MAST4: variants seen among roughly 807,000 people sequenced by gnomAD.
The protein encoded by MAST4 is microtubule associated serine/threonine kinase family member 4.
Under a neutral mutation model 162.7 loss-of-function variants are expected in MAST4, and 89 were observed. The observed-to-expected ratio is 0.55, with a 90% CI of 0.46 to 0.65. The LOEUF (loss-of-function observed/expected upper bound fraction) is 0.65, where lower values mean the gene tolerates loss of function less well. MAST4 is among the 30% of genes least tolerant of loss of function. The pLI is 0.00. For synonymous variants in MAST4, 1,479 were observed against 1,361.1 expected, an observed-to-expected ratio of 1.09 and a Z score of -1.91; for missense variants, 3,153 against 3,374.0, an observed-to-expected ratio of 0.93 and a Z score of 1.62.
chr5:67,110,024 C>A, intron 10 of MAST4, 74 bp from the exon 11 acceptor site: 1 of 1,037,996 alleles, frequency 9.6e-7, no homozygotes, highest in Non-Finnish European at 1.5e-6. Context: ...ATCTAATTAG[C>A]ATGCTTTGCT....
intron 1 of MAST4, among the ~76,000 whole-genome samples, chr5:66,644,034 A>C (rs1745658822): frequency 1.8e-5 from 2 of 109,898 alleles, no homozygotes; most frequent in Admixed American, 2.0e-4. Flanking sequence ...AAAAGTATTC[A>C]TCTGTAAGCT....
intron 3 of MAST4, among the ~76,000 whole-genome samples, chr5:66,827,408 T>G (rs1757318800): frequency 6.6e-6 from 1 of 152,194 alleles, no homozygotes; most frequent in African/African-American, 2.4e-5. Flanking sequence ...GGCTCCTCTT[T>G]GTATGTCTGG....
intron 1 of MAST4, among the ~76,000 whole-genome samples, chr5:66,646,541 A>G (rs1745850481): frequency 6.6e-6 from 1 of 152,194 alleles, no homozygotes; most frequent in Admixed American, 6.5e-5. Flanking sequence ...GCATAAACCT[A>G]ATATAATTTT....
intron 4 of MAST4, among the ~76,000 whole-genome samples, chr5:67,049,008 C>CACACATATATATATACATAT (rs1362965159): frequency 5.7e-5 from 6 of 104,522 alleles, no homozygotes; most frequent in Non-Finnish European, 7.8e-5. Context: ...TATACACACA[C>CACACATATATATATACATAT]ATATATATAT....
At chr5:66,914,002 C>T (rs551691711) in intron 4 of MAST4, among the ~76,000 whole-genome samples, 10 of 152,280 alleles carry the variant, frequency 6.6e-5, no homozygotes, top group Admixed American at 2.0e-4. Context: ...TTACATCAAT[C>T]TACTGTCTTG....
intron 3 of MAST4, among the ~76,000 whole-genome samples, chr5:66,847,837 AAAAAAAG>A (rs1445459181): frequency 4.0e-5 from 6 of 150,958 alleles, no homozygotes; most frequent in Admixed American, 2.6e-4. Context: ...AAAAAAAAAA[AAAAAAAG>A]AAAAACCTTA....
At chr5:66,947,214 C>G (rs1238364882) in intron 4 of MAST4, among the ~76,000 whole-genome samples, 1 of 152,012 alleles carries the variant, frequency 6.6e-6, no homozygotes, top group Non-Finnish European at 1.5e-5. Context: ...AGAAGTAGGA[C>G]CGTGGAAAAT....
At chr5:66,879,377 TATAC>T (rs1761539934) in intron 3 of MAST4, among the ~76,000 whole-genome samples, 2 of 148,798 alleles carry the variant, frequency 1.3e-5, no homozygotes, top group African/African-American at 5.0e-5. Flanking sequence ...TATATATATA[TATAC>T]ATACACAAAT....
chr5:67,104,204 C>G (rs1170377512), intron 9 of MAST4, among the ~76,000 whole-genome samples, 162 bp from the exon 10 acceptor site: 2 of 152,090 alleles, frequency 1.3e-5, no homozygotes, highest in Non-Finnish European at 2.9e-5. Context: ...ATGTATGTAC[C>G]ATTATTTTAT....
intron 3 of MAST4, among the ~76,000 whole-genome samples, chr5:66,820,198 G>A (rs1756926532): frequency 6.6e-6 from 1 of 151,906 alleles, no homozygotes; most frequent in African/African-American, 2.4e-5. Context: ...TTGGAATATA[G>A]AGTACAAAAT....
intron 1 of MAST4, among the ~76,000 whole-genome samples, chr5:66,727,574 G>A (rs529776815): frequency 6.6e-6 from 1 of 152,252 alleles, no homozygotes; most frequent in Non-Finnish European, 1.5e-5. Context: ...AACATTTGAG[G>A]CAAAATTGTG....
intron 4 of MAST4, chr5:66,917,289 G>A (rs889135966): frequency 2.6e-5 from 10 of 387,524 alleles, no homozygotes; most frequent in Admixed American, 4.1e-5. Context: ...TTTCCATTTA[G>A]TAGTGTTTTT....
chr5:66,706,823 A>G (rs552916815), intron 1 of MAST4, among the ~76,000 whole-genome samples: 3 of 152,342 alleles, frequency 2.0e-5, no homozygotes, highest in Admixed American at 1.3e-4. Context: ...TGTTTATTAA[A>G]TATCTTGACT....
At chr5:66,647,131 A>G (rs1353678669) in intron 1 of MAST4, among the ~76,000 whole-genome samples, 6 of 152,172 alleles carry the variant, frequency 3.9e-5, no homozygotes, top group African/African-American at 1.4e-4. Context: ...ATTTCTGGCC[A>G]AGTCAACTGC....
At chr5:66,617,015 C>A (rs552720183) in intron 1 of MAST4, among the ~76,000 whole-genome samples, 26 of 152,272 alleles carry the variant, frequency 1.7e-4, no homozygotes, top group African/African-American at 6.0e-4. Flanking sequence ...AGACACCTTG[C>A]ACATTCATAT....
intron 9 of MAST4, among the ~76,000 whole-genome samples, chr5:67,103,833 T>C (rs1765296633): frequency 6.6e-6 from 1 of 152,206 alleles, no homozygotes; most frequent in Non-Finnish European, 1.5e-5. Flanking sequence ...TTTTGGACAG[T>C]CCATCTGAAA....
chr5:66,930,152 T>G lies in MAST4; in HGVS notation c.674+30170T>G, dbSNP rs188422339. On this transcript the variant is annotated intron_variant, in intron 4 of 28. Coordinates refer to ENST00000403625, the MANE Select transcript of MAST4 (RefSeq NM_001164664.2). ...ATGGTATCTTTTCCCCAAAGCATCTTGAATGAGAGCAGGAAGAGACGACTG... is the reference window on the plus strand; with the variant it reads ...ATGGTATCTTTTCCCCAAAGCATCTGGAATGAGAGCAGGAAGAGACGACTG... Among the ~76,000 whole-genome samples, 165 of 152,294 alleles carry G rather than the reference T, an allele frequency of 1.1e-3. 2 individuals are homozygous for G. The highest frequency in any genetic ancestry group is 3.2e-3 in the African/African-American group (134 of 41,552).
At chr5:66,968,199 A>G (rs1200290681) in intron 4 of MAST4, among the ~76,000 whole-genome samples, 1 of 152,162 alleles carries the variant, frequency 6.6e-6, no homozygotes, top group East Asian at 1.9e-4. Flanking sequence ...CTTCTGCTTC[A>G]TCCCCCAACA....
In MAST4 at chr5:67,077,728, G is replaced by A. The variant is rs147478215; in HGVS notation, c.764-12434G>A. 8.9e-3 allele frequency among the ~76,000 whole-genome samples: 1,349 copies of A among 152,286 alleles called. 19 individuals carry two copies. Among genetic ancestry groups the A allele is most frequent in the African/African-American group, 0.029 (1,210 of 41,540 alleles). Reference sequence around the variant, plus strand: ...CAATTGATTAGCCATTTGGAAAAGCGGTAAGCCAGACTGCTATCTTGCTCC... The same window carrying A: ...CAATTGATTAGCCATTTGGAAAAGCAGTAAGCCAGACTGCTATCTTGCTCC... On this transcript the variant is annotated intron_variant, in intron 5 of 28. Transcript: ENST00000403625.
Sources: allele counts gnomAD v4.1 joint callset (sites outside exome capture counted in the v4.1 genomes callset), GRCh38; gene constraint gnomAD v4.1.1; transcripts MANE v1.5; gene names NCBI Gene and HGNC (gene_info 2026-07-23, HGNC 2026-07-21).